Variants in CATSPER2 observed in about 807,000 individuals in gnomAD.
The protein encoded by CATSPER2 is cation channel sperm associated 2.
CATSPER2 carries 56 observed loss-of-function variants against 68.8 expected under a neutral mutation model. That is an observed-to-expected ratio of 0.81 (90% CI 0.66 to 1.02). The LOEUF (loss-of-function observed/expected upper bound fraction) is 1.02, where lower values mean the gene tolerates loss of function less well. Among genes scored for constraint, CATSPER2 ranks in the 50% least tolerant of loss-of-function variants. The probability of loss-of-function intolerance (pLI) is 0.00; values close to 1 mark genes in which losing one functional copy is unlikely to be tolerated. For synonymous variants in CATSPER2, 198 were observed against 229.9 expected, an observed-to-expected ratio of 0.86 and a Z score of 1.26; for missense variants, 582 against 642.0, an observed-to-expected ratio of 0.91 and a Z score of 1.01.
At chr15:43,641,711 C>T (rs1250413369) in intron 4 of CATSPER2, among the ~76,000 whole-genome samples, 1 of 151,840 alleles carries the variant, frequency 6.6e-6, no homozygotes, top group East Asian at 1.9e-4. Context: ...ATACTTATTT[C>T]TATGCTTGTT....
intron 6 of CATSPER2, 139 bp from the exon 7 acceptor site, chr15:43,639,167 C>T: frequency 1.0e-6 from 1 of 965,736 alleles, no homozygotes; most frequent in East Asian, 2.6e-5. Flanking sequence ...ACCATGGCAC[C>T]TGTCCCCAGC....
chr15:43,636,120 G>C lies in CATSPER2; in HGVS notation c.942C>G (p.Arg314=), dbSNP rs1334032044. The change falls in exon 8 of 13, where the codon CGC becomes CGG. Residue 314 remains arginine (R), a synonymous_variant. Coordinates refer to ENST00000396879, the MANE Select transcript of CATSPER2 (RefSeq NM_172095.4). The part of the protein sequence containing the change: ...QDVWKVPEVS[R]IFSSIYFILW... ...GGATGAAATAGATGCTGCTGAAGAT[G>C]CGACTGACTTCAGGCACCTTCCAGA... 1.2e-6 allele frequency: 2 copies of C among 1,602,222 alleles called. No homozygotes were observed. Among genetic ancestry groups the C allele is most frequent in the African/African-American group, 2.7e-5 (2 of 74,360 alleles).
chr15:43,646,047 C>T (rs2086157347), intron 4 of CATSPER2, among the ~76,000 whole-genome samples: 1 of 151,818 alleles, frequency 6.6e-6, no homozygotes, highest in African/African-American at 2.4e-5. Flanking sequence ...CTTATTTATA[C>T]TTAATCTTTC....
chr15:43,645,377 G>T (rs1318131430), intron 4 of CATSPER2, among the ~76,000 whole-genome samples: 1 of 151,852 alleles, frequency 6.6e-6, no homozygotes, highest in Admixed American at 6.6e-5. Context: ...GCTTGTAGGG[G>T]ACTTGGAGCT....
chr15:43,646,425 A>C (rs551392841), intron 4 of CATSPER2, among the ~76,000 whole-genome samples: 2 of 151,558 alleles, frequency 1.3e-5, no homozygotes, highest in South Asian at 2.1e-4. Context: ...ACGCCCAGCT[A>C]ATTTTTTCTA....
chr15:43,639,192 T>C (rs758761220), intron 6 of CATSPER2, among the ~76,000 whole-genome samples, 164 bp from the exon 7 acceptor site: 2 of 151,210 alleles, frequency 1.3e-5, no homozygotes, highest in African/African-American at 2.4e-5. Context: ...TCTCATCCAA[T>C]AACATTTCAC....
At chr15:43,637,835 G>A (rs2085991083) in intron 7 of CATSPER2, 1 of 151,788 alleles carries the variant, frequency 6.6e-6, no homozygotes, top group Admixed American at 6.6e-5. Flanking sequence ...GAGAATCATA[G>A]TAACATTAAT....
At chr15:43,635,881 A>C (rs777268189) in intron 8 of CATSPER2, 55 bp from the exon 9 acceptor site, 36 of 1,530,682 alleles carry the variant, frequency 2.4e-5, no homozygotes, top group Non-Finnish European at 3.0e-5. Context: ...ACTTGGGAAG[A>C]GGGCTTGGGT....
rs542741886 is a variant in CATSPER2, at chr15:43,630,104, A to G, written c.*597T>C. Reference sequence around the variant, plus strand: ...TAGAAAGCTAAGGAGCACAGACTCCACTGGCATCTGAGCTAACTTGTTTTG... The same window carrying G: ...TAGAAAGCTAAGGAGCACAGACTCCGCTGGCATCTGAGCTAACTTGTTTTG... On this transcript the variant is annotated 3_prime_UTR_variant, in exon 13 of 13. Transcript: ENST00000396879. 4.5e-4 allele frequency: 72 copies of G among 158,548 alleles called. No individual in the cohort carries two copies. Among genetic ancestry groups the G allele is most frequent in the African/African-American group, 1.1e-3 (46 of 41,532 alleles). The allele number at this position is 158,548 out of a possible 1,614,324, so 9.8% of individuals were successfully genotyped here.
intron 6 of CATSPER2, 94 bp downstream of exon 6, chr15:43,639,549 G>A: frequency 6.3e-7 from 1 of 1,594,120 alleles, no homozygotes; most frequent in South Asian, 1.1e-5. Context: ...ACAGGCGTGA[G>A]CCACCGCACC....
chr15:43,647,741 T>C (rs2086196961), intron 2 of CATSPER2, among the ~76,000 whole-genome samples, 176 bp downstream of exon 2: 2 of 151,994 alleles, frequency 1.3e-5, no homozygotes, highest in African/African-American at 2.4e-5. Context: ...CTAGTGGCTA[T>C]CCTAGGCCTA....
chr15:43,645,141 C>T (rs2086140584), intron 4 of CATSPER2, among the ~76,000 whole-genome samples: 1 of 151,830 alleles, frequency 6.6e-6, no homozygotes, highest in African/African-American at 2.4e-5. Context: ...CTGCAACCTC[C>T]GCCTCCCAGG....
intron 10 of CATSPER2, 32 bp downstream of exon 10, chr15:43,635,328 T>C: frequency 1.9e-6 from 3 of 1,575,098 alleles, no homozygotes; most frequent in Non-Finnish European, 2.6e-6. Context: ...CCTTCATGTG[T>C]TTCTATCCCA....
In CATSPER2 at chr15:43,630,488, A is replaced by G; in HGVS notation, c.*213T>C. The G allele has an allele frequency of 9.7e-7, 1 of 1,026,928 alleles. No individual in the cohort carries two copies. The highest frequency in any genetic ancestry group is 1.4e-6 in the Non-Finnish European group (1 of 721,460). The allele number at this position is 1,026,928 out of a possible 1,614,324, so 63.6% of individuals were successfully genotyped here. On this transcript the variant is annotated 3_prime_UTR_variant, in exon 13 of 13. Coordinates refer to ENST00000396879, the MANE Select transcript of CATSPER2 (RefSeq NM_172095.4). ...TCCTGCCTCAGGCTCCCAAGTAGCTATGATTACAAGCATCTGCCACCACAC... is the reference window on the plus strand; with the variant it reads ...TCCTGCCTCAGGCTCCCAAGTAGCTGTGATTACAAGCATCTGCCACCACAC...
chr15:43,636,257 C>T (rs1418264826), intron 7 of CATSPER2, 38 bp from the exon 8 acceptor site: 1 of 1,608,512 alleles, frequency 6.2e-7, no homozygotes, highest in East Asian at 2.2e-5. Context: ...GAAGCAGAGA[C>T]CTAAACCTTT....
chr15:43,640,443 C>A lies in CATSPER2; in HGVS notation c.442G>T (p.Val148Leu), dbSNP rs138398505. The A allele has an allele frequency of 2.2e-5, 36 of 1,613,058 alleles. No homozygotes were observed. The highest frequency in any genetic ancestry group is 2.6e-5 in the Non-Finnish European group (31 of 1,179,462). The change falls in exon 5 of 13, where the codon GTG becomes TTG. Residue 148 changes from valine (V) to leucine (L), a missense_variant. Val to Leu is a conservative substitution (Grantham distance 32, BLOSUM62 1). Coordinates refer to ENST00000396879, the MANE Select transcript of CATSPER2 (RefSeq NM_172095.4). ...KLWPLKLTLE[V>L]AAWFILLIFI... ...ATAAGCAAGATAAACCAAGCTGCCACCTCCAAGGTCAGCTTCAATGGCCAT... is the reference window on the plus strand; with the variant it reads ...ATAAGCAAGATAAACCAAGCTGCCAACTCCAAGGTCAGCTTCAATGGCCAT...
upstream of CATSPER2, chr15:43,648,856 C>T (rs1191279872): frequency 5.9e-6 from 9 of 1,524,174 alleles, no homozygotes; most frequent in Non-Finnish European, 7.0e-6. Context: ...CTCGCCCAGC[C>T]ACTCGCCGCC....
chr15:43,633,271 C>A, intron 10 of CATSPER2: 1 of 359,314 alleles, frequency 2.8e-6, no homozygotes, highest in East Asian at 6.5e-5. Context: ...TCTCTCTACT[C>A]CTTCCCTTGT....
At chr15:43,647,819 A>T in intron 2 of CATSPER2, 98 bp downstream of exon 2, 1 of 1,342,244 alleles carries the variant, frequency 7.5e-7, no homozygotes, top group Non-Finnish European at 1.1e-6. Flanking sequence ...AAGTTTGGTA[A>T]ACCAGCAACT....
Sources: allele counts gnomAD v4.1 joint callset (sites outside exome capture counted in the v4.1 genomes callset), GRCh38; gene constraint gnomAD v4.1.1; transcripts MANE v1.5; gene names NCBI Gene and HGNC (gene_info 2026-07-23, HGNC 2026-07-21).